Variants in PHF20L1 observed in about 807,000 individuals in gnomAD.
PHF20L1 encodes PHD finger protein 20-like protein 1.
PHF20L1 carries 44 observed loss-of-function variants against 125.5 expected under a neutral mutation model. The ratio of observed to expected loss-of-function variants is 0.35; its 90% CI spans 0.28 to 0.45. The LOEUF (loss-of-function observed/expected upper bound fraction) is 0.45, where lower values mean the gene tolerates loss of function less well. PHF20L1 is among the 20% of genes least tolerant of loss of function. The pLI, the probability that PHF20L1 is intolerant of heterozygous loss-of-function variation, is 1.00. For missense variants in PHF20L1, 1,012 were observed against 1,217.2 expected (o/e 0.83, Z 2.51); for synonymous variants, 380 against 403.1 (o/e 0.94, Z 0.69).
At chr8:132,783,287 A>C (rs1273662995) in intron 2 of PHF20L1, among the ~76,000 whole-genome samples, 1 of 152,232 alleles carries the variant, frequency 6.6e-6, no homozygotes. Context: ...TTAATAGAAC[A>C]GTATAAATTT....
chr8:132,781,876 G>A (rs1248679372), intron 2 of PHF20L1, among the ~76,000 whole-genome samples: 3 of 152,126 alleles, frequency 2.0e-5, no homozygotes, highest in African/African-American at 7.2e-5. Flanking sequence ...TTTGCTTTTT[G>A]ATAATTGGAT....
intron 2 of PHF20L1, among the ~76,000 whole-genome samples, chr8:132,793,171 CA>C (rs1214244649): frequency 6.6e-6 from 1 of 151,708 alleles, no homozygotes; most frequent in Non-Finnish European, 1.5e-5. Flanking sequence ...GATTTGTATA[CA>C]AAGGAAGGGA....
At chr8:132,843,055 T>C in intron 19 of PHF20L1, 180 bp downstream of exon 19, 1 of 1,333,794 alleles carries the variant, frequency 7.5e-7, no homozygotes, top group Non-Finnish European at 9.6e-7. Context: ...ATTTGAACAT[T>C]TGATTATCTC....
At chr8:132,831,315 G>T (rs979310434) in intron 14 of PHF20L1, among the ~76,000 whole-genome samples, 1 of 152,080 alleles carries the variant, frequency 6.6e-6, no homozygotes, top group Admixed American at 6.6e-5. Flanking sequence ...AATGTGGCAT[G>T]CACTCTTCAG....
At chr8:132,836,429 CTTT>C in intron 15 of PHF20L1, 108 bp from the exon 16 acceptor site, 1 of 694,354 alleles carries the variant, frequency 1.4e-6, no homozygotes, top group South Asian at 2.0e-5. Context: ...TTTGCTCCCC[CTTT>C]TTAAAATGTT....
intron 2 of PHF20L1, among the ~76,000 whole-genome samples, chr8:132,791,445 G>A (rs1831691292): frequency 1.3e-5 from 2 of 151,752 alleles, no homozygotes; most frequent in African/African-American, 4.8e-5. Flanking sequence ...TAGAGACCGG[G>A]TTTCTCCATG....
intron 9 of PHF20L1, chr8:132,811,359 G>A: frequency 8.2e-7 from 1 of 1,216,826 alleles, no homozygotes; most frequent in Non-Finnish European, 1.0e-6. Flanking sequence ...AAAATTTGAA[G>A]GCCTGGAGAC....
At chr8:132,832,170 A>G in intron 14 of PHF20L1, 65 bp from the exon 15 acceptor site, 1 of 1,050,610 alleles carries the variant, frequency 9.5e-7, no homozygotes, top group Admixed American at 1.9e-5. Context: ...GACTTTCGTT[A>G]TTTTTATAGT....
At chr8:132,809,822 A>T (rs983698242) in intron 8 of PHF20L1, 1 of 152,112 alleles carries the variant, frequency 6.6e-6, no homozygotes, top group Non-Finnish European at 1.5e-5. Flanking sequence ...ACTGGGGTTC[A>T]CTGAAGGTAC....
rs200500205 is a variant in PHF20L1 at position 132,832,197 on chromosome 8, C to G, written c.1745-38C>G. On this transcript the variant is annotated intron_variant, in intron 14 of 20. Coordinates refer to ENST00000395386, the MANE Select transcript of PHF20L1 (RefSeq NM_016018.5). Reference sequence around the variant, plus strand: ...TTTTATAGTGACCTTAATTATCTGACACTTTATTAATATTTCTTTCTGTAT... The same window carrying G: ...TTTTATAGTGACCTTAATTATCTGAGACTTTATTAATATTTCTTTCTGTAT... The G allele has an allele frequency of 2.7e-4, 349 of 1,282,990 alleles. 1 individual carries two copies. Among genetic ancestry groups the G allele is most frequent in the Admixed American group, 1.1e-3 (66 of 57,424 alleles). 79.5% of individuals were successfully genotyped at this position (1,282,990 alleles called of 1,614,324 possible).
intron 13 of PHF20L1, 59 bp from the exon 14 acceptor site, chr8:132,825,205 C>T: frequency 6.3e-7 from 1 of 1,581,684 alleles, no homozygotes; most frequent in Non-Finnish European, 8.6e-7. Flanking sequence ...TTAGGTTAAC[C>T]ACAAAGGAAC....
In PHF20L1 at chr8:132,832,357, C is replaced by A. The variant is rs751225695; in HGVS notation, c.1867C>A (p.Gln623Lys). Reference protein sequence around the residue: ...SMFTEKTTTYQYPRAILSVDL... With the variant: ...SMFTEKTTTYKYPRAILSVDL... The stretch of plus-strand genomic sequence containing the variant: ...GTTTACGGAGAAAACTACAACCTAT[C>A]AGTACCCAAGGGCAATTCTATCCGT... The change falls in exon 15 of 21, where the codon CAG becomes AAG. Residue 623 changes from glutamine to lysine, a missense_variant. Gln to Lys is a moderately conservative substitution (Grantham distance 53, BLOSUM62 1). Around this residue, in one of 7 missense-constraint regions of PHF20L1, gnomAD observed 320 missense variants for 293.8 expected, o/e 1.09. Coordinates refer to ENST00000395386, the MANE Select transcript of PHF20L1 (RefSeq NM_016018.5). The A allele has an allele frequency of 1.2e-6, 2 of 1,612,240 alleles. No homozygotes were observed. The highest frequency in any genetic ancestry group is 1.7e-6 in the Non-Finnish European group (2 of 1,178,696).
chr8:132,794,519 T>C lies in PHF20L1; in HGVS notation c.193T>C (p.Leu65=). 1 of 1,612,264 alleles carries C rather than the reference T, an allele frequency of 6.2e-7. No homozygotes were observed. Among genetic ancestry groups the C allele is most frequent in the South Asian group, 1.1e-5 (1 of 91,044 alleles). Residue 65 remains leucine (L), a synonymous_variant, in exon 3 of 21, where the codon TTG becomes CTG. Transcript: ENST00000395386. ...DEWIYWDSNR[L]RPLERPALRK... ...GTGGATTTACTGGGATAGCAATAGATTGCGACCCCTTGAGAGACCAGCACT... is the reference window on the plus strand; with the variant it reads ...GTGGATTTACTGGGATAGCAATAGACTGCGACCCCTTGAGAGACCAGCACT...
chr8:132,779,001 A>G (rs1830131404), intron 2 of PHF20L1, among the ~76,000 whole-genome samples: 1 of 152,236 alleles, frequency 6.6e-6, no homozygotes, highest in Non-Finnish European at 1.5e-5. Context: ...TGGCAGGCAG[A>G]GAAATCTTGT....
At chr8:132,797,843 T>G (rs1229666629) in intron 4 of PHF20L1, among the ~76,000 whole-genome samples, 2 of 152,102 alleles carry the variant, frequency 1.3e-5, no homozygotes, top group African/African-American at 2.4e-5. Flanking sequence ...ATTTCTTGTT[T>G]ATAATTCTTT....
chr8:132,777,819 G>A lies in PHF20L1; in HGVS notation c.-10G>A. The stretch of plus-strand genomic sequence containing the variant: ...AGTGAAAAGAGAATACTGAAGAATA[G>A]GATCTCAAGATGAGTAAAAAGCCCC... On this transcript the variant is annotated 5_prime_UTR_variant, in exon 2 of 21. Transcript: ENST00000395386. 1 of 1,592,040 alleles carries A rather than the reference G, an allele frequency of 6.3e-7. No individual in the cohort carries two copies. Among genetic ancestry groups the A allele is most frequent in the South Asian group, 1.1e-5 (1 of 90,396 alleles).
chr8:132,782,040 C>T (rs1329660002), intron 2 of PHF20L1, among the ~76,000 whole-genome samples: 1 of 152,198 alleles, frequency 6.6e-6, no homozygotes, highest in Non-Finnish European at 1.5e-5. Flanking sequence ...ACAGCTAGCA[C>T]AGTCAACTAT....
At chr8:132,775,764 C>G (rs891920832) in intron 1 of PHF20L1, 119 bp downstream of exon 1, 1 of 255,162 alleles carries the variant, frequency 3.9e-6, no homozygotes, top group Non-Finnish European at 7.4e-6. Flanking sequence ...CTCCCCGTAA[C>G]TCGCCGGCCC....
intron 10 of PHF20L1, chr8:132,815,774 A>T (rs1363031918): frequency 6.6e-6 from 1 of 151,694 alleles, no homozygotes; most frequent in Non-Finnish European, 1.5e-5. Flanking sequence ...TTTCATTTTG[A>T]TCAGGTTTTG....
Sources: allele counts gnomAD v4.1 joint callset (sites outside exome capture counted in the v4.1 genomes callset), GRCh38; gene constraint gnomAD v4.1.1; regional missense constraint gnomAD v4.1.1; transcripts MANE v1.5; gene names NCBI Gene and HGNC (gene_info 2026-07-23, HGNC 2026-07-21).